Variants in PTK2B observed in about 807,000 individuals in gnomAD.
PTK2B encodes protein tyrosine kinase 2 beta, also known as protein-tyrosine kinase 2-beta.
A neutral mutation model predicts 142.9 loss-of-function variants in PTK2B; 71 were observed. The ratio of observed to expected loss-of-function variants is 0.50; its 90% CI spans 0.41 to 0.61. The LOEUF is 0.61. PTK2B is among the 20% of genes least tolerant of loss of function. The probability of loss-of-function intolerance (pLI) is 0.00; values close to 1 mark genes in which losing one functional copy is unlikely to be tolerated. For missense variants in PTK2B, 1,105 were observed against 1,320.4 expected, an observed-to-expected ratio of 0.84 and a Z score of 2.53; for synonymous variants, 519 against 503.4, an observed-to-expected ratio of 1.03 and a Z score of -0.42.
At chr8:27,448,532 G>A (rs917445879) in intron 24 of PTK2B, among the ~76,000 whole-genome samples, 1 of 152,228 alleles carries the variant, frequency 6.6e-6, no homozygotes, top group Non-Finnish European at 1.5e-5. Flanking sequence ...GTTAGAATAT[G>A]TGGTACGATC....
chr8:27,406,021 T>A (rs1808692455), intron 2 of PTK2B, among the ~76,000 whole-genome samples: 2 of 152,176 alleles, frequency 1.3e-5, no homozygotes, highest in Non-Finnish European at 2.9e-5. Flanking sequence ...AGGCCAGAAG[T>A]CCTAAATCAA....
At chr8:27,335,742 C>A (rs1414176709) in intron 1 of PTK2B, among the ~76,000 whole-genome samples, 1 of 152,210 alleles carries the variant, frequency 6.6e-6, no homozygotes, top group African/African-American at 2.4e-5. Context: ...CTAGTCACTG[C>A]CTCCTTCATA....
intron 1 of PTK2B, among the ~76,000 whole-genome samples, chr8:27,361,961 GCA>G (rs1805735720): frequency 6.6e-6 from 1 of 152,206 alleles, no homozygotes; most frequent in Non-Finnish European, 1.5e-5. Context: ...TGCCAGACAA[GCA>G]CACTCTATGT....
chr8:27,406,335 T>C (rs1324496850), intron 2 of PTK2B, among the ~76,000 whole-genome samples: 1 of 151,956 alleles, frequency 6.6e-6, no homozygotes, highest in Non-Finnish European at 1.5e-5. Flanking sequence ...GATTCTGGGG[T>C]TAGGACATGG....
At chr8:27,382,615 T>C (rs1316408196) in intron 1 of PTK2B, among the ~76,000 whole-genome samples, 2 of 152,192 alleles carry the variant, frequency 1.3e-5, no homozygotes, top group African/African-American at 4.8e-5. Context: ...TTTTGAAGTC[T>C]TACCTGCAAA....
At chr8:27,435,845 C>T in intron 14 of PTK2B, 52 bp downstream of exon 14, 1 of 1,570,920 alleles carries the variant, frequency 6.4e-7, no homozygotes, top group Non-Finnish European at 8.8e-7. Context: ...TGTGAAATGA[C>T]ATGGCAAGGA....
intron 2 of PTK2B, among the ~76,000 whole-genome samples, chr8:27,417,467 A>G (rs905374171): frequency 2.0e-5 from 3 of 151,922 alleles, no homozygotes; most frequent in African/African-American, 7.3e-5. Context: ...GAGAAGGGAT[A>G]TGGGGGAGTT....
intron 1 of PTK2B, among the ~76,000 whole-genome samples, chr8:27,377,890 A>G (rs1239172417): frequency 1.3e-5 from 2 of 152,106 alleles, no homozygotes; most frequent in Non-Finnish European, 2.9e-5. Flanking sequence ...CCTACTTAAC[A>G]CTATTCCTGG....
intron 1 of PTK2B, among the ~76,000 whole-genome samples, chr8:27,396,897 C>T (rs902408466): frequency 2.6e-5 from 4 of 152,186 alleles, no homozygotes; most frequent in Non-Finnish European, 4.4e-5. Context: ...CTGGGCAGAG[C>T]GCTGTTCCTC....
chr8:27,397,460 G>A, intron 1 of PTK2B, 88 bp from the exon 2 acceptor site: 1 of 997,118 alleles, frequency 1.0e-6, no homozygotes, highest in Non-Finnish European at 1.5e-6. Flanking sequence ...TGTCTGTCTT[G>A]GAGCTCGGTG....
intron 2 of PTK2B, 89 bp downstream of exon 2, chr8:27,397,877 C>T: frequency 9.3e-7 from 1 of 1,070,738 alleles, no homozygotes; most frequent in Non-Finnish European, 1.4e-6. Flanking sequence ...CCTCGCAGCT[C>T]TCCCATATCC....
intron 1 of PTK2B, among the ~76,000 whole-genome samples, chr8:27,349,378 C>A (rs1329983269): frequency 6.6e-6 from 1 of 152,156 alleles, no homozygotes; most frequent in Admixed American, 6.5e-5. Context: ...CAAATAGAAC[C>A]CCGTAATAAA....
chr8:27,316,949 G>GGGGTGTATTATCT (rs1803108197), intron 3 of PTK2B, among the ~76,000 whole-genome samples: 2 of 152,140 alleles, frequency 1.3e-5, no homozygotes, highest in South Asian at 4.1e-4. Flanking sequence ...AAGCCATAAG[G>GGGGTGTATTATCT]GGGTGTATTA....
chr8:27,350,602 C>G (rs1224079900), intron 1 of PTK2B, among the ~76,000 whole-genome samples: 1 of 152,066 alleles, frequency 6.6e-6, no homozygotes, highest in African/African-American at 2.4e-5. Context: ...GGGGGAACTC[C>G]TGCTTCGTAA....
chr8:27,438,087 T>A, intron 18 of PTK2B: 1 of 537,354 alleles, frequency 1.9e-6, no homozygotes. Context: ...CTCATGGGGT[T>A]GTTACGAGTA....
intron 5 of PTK2B, 70 bp downstream of exon 5, chr8:27,422,453 T>TCTTG: frequency 1.5e-6 from 2 of 1,333,888 alleles, no homozygotes; most frequent in Non-Finnish European, 2.0e-6. Context: ...CCTTTCCCCA[T>TCTTG]GTCCAAGATG....
intron 9 of PTK2B, 174 bp from the exon 10 acceptor site, chr8:27,432,086 G>T (rs938032569): frequency 1.8e-6 from 1 of 549,934 alleles, no homozygotes; most frequent in Non-Finnish European, 3.2e-6. Flanking sequence ...GAAGCCAAAA[G>T]ATTGGACACC....
intron 2 of PTK2B, among the ~76,000 whole-genome samples, chr8:27,413,355 C>T (rs760190959): frequency 6.6e-5 from 10 of 152,340 alleles, no homozygotes; most frequent in South Asian, 2.1e-4. Context: ...ACACCATAGA[C>T]GCCATCCAGA....
chr8:27,340,578 G>A (rs1804338150), intron 1 of PTK2B, among the ~76,000 whole-genome samples: 1 of 152,244 alleles, frequency 6.6e-6, no homozygotes, highest in Non-Finnish European at 1.5e-5. Context: ...GATAGGATAG[G>A]ATAGGCAGTT....
Sources: allele counts gnomAD v4.1 joint callset (sites outside exome capture counted in the v4.1 genomes callset), GRCh38; gene constraint gnomAD v4.1.1; transcripts MANE v1.5; gene names NCBI Gene and HGNC (gene_info 2026-07-23, HGNC 2026-07-21).